The following NLGN1 variants were observed in gnomAD, a reference collection of about 807,000 sequenced individuals.
NLGN1 encodes neuroligin 1, also known as neuroligin-1.
Under a neutral mutation model 65.5 loss-of-function variants are expected in NLGN1, and 12 were observed. That is an observed-to-expected ratio of 0.18 (90% CI 0.12 to 0.30). The LOEUF (loss-of-function observed/expected upper bound fraction) is 0.30, where lower values mean the gene tolerates loss of function less well. NLGN1 is among the 10% of genes least tolerant of loss of function. NLGN1 has a pLI of 1.00. For synonymous variants in NLGN1, 350 were observed against 359.5 expected (o/e 0.97, Z 0.30); for missense variants, 750 against 1,007.1 (o/e 0.74, Z 3.46).
chr3:173,636,120 A>G (rs1440435305), intron 3 of NLGN1, among the ~76,000 whole-genome samples: 1 of 152,116 alleles, frequency 6.6e-6, no homozygotes, highest in Admixed American at 6.6e-5. Flanking sequence ...GAACTTAACG[A>G]TGGTATTTAT....
chr3:174,046,736 AG>A (rs1344556829), intron 4 of NLGN1, among the ~76,000 whole-genome samples: 2 of 152,096 alleles, frequency 1.3e-5, no homozygotes, highest in African/African-American at 4.8e-5. Context: ...AATTAAGAAG[AG>A]GATCAAATGA....
intron 3 of NLGN1, among the ~76,000 whole-genome samples, chr3:173,690,949 T>C (rs1032117853): frequency 2.0e-5 from 3 of 152,088 alleles, no homozygotes; most frequent in Non-Finnish European, 2.9e-5. Flanking sequence ...GGAGAAGCTG[T>C]AAAAATTGCA....
At chr3:173,881,851 C>T (rs1733396265) in intron 4 of NLGN1, among the ~76,000 whole-genome samples, 2 of 152,268 alleles carry the variant, frequency 1.3e-5, no homozygotes, top group East Asian at 3.9e-4. Context: ...TCCCATGAAT[C>T]ACAGATGTTT....
intron 3 of NLGN1, among the ~76,000 whole-genome samples, chr3:173,628,702 A>G (rs1184937101): frequency 1.3e-5 from 2 of 151,582 alleles, no homozygotes; most frequent in Admixed American, 6.6e-5. Context: ...TGTTATTATT[A>G]TTATTATTTG....
chr3:173,566,556 C>G (rs571992132), intron 2 of NLGN1, among the ~76,000 whole-genome samples: 1 of 152,156 alleles, frequency 6.6e-6, no homozygotes, highest in Admixed American at 6.5e-5. Flanking sequence ...TCTGCCCCAT[C>G]TTATTTCATT....
At chr3:173,797,946 G>A (rs1714523288) in intron 3 of NLGN1, among the ~76,000 whole-genome samples, 1 of 152,042 alleles carries the variant, frequency 6.6e-6, no homozygotes, top group African/African-American at 2.4e-5. Context: ...GAAAGCACTG[G>A]CTCAGTGGCT....
intron 4 of NLGN1, among the ~76,000 whole-genome samples, chr3:174,254,541 T>C (rs1285623689): frequency 6.6e-6 from 1 of 152,056 alleles, no homozygotes; most frequent in African/African-American, 2.4e-5. Context: ...GTCTAATTAT[T>C]ATGCCCATAA....
chr3:173,862,152 TACAG>T (rs1021822325), intron 4 of NLGN1, among the ~76,000 whole-genome samples: 1 of 152,082 alleles, frequency 6.6e-6, no homozygotes, highest in Non-Finnish European at 1.5e-5. Context: ...TGAATCTATA[TACAG>T]ACAGAGGATT....
chr3:174,276,514 A>T (rs1007814063), intron 5 of NLGN1, among the ~76,000 whole-genome samples: 3 of 151,962 alleles, frequency 2.0e-5, no homozygotes, highest in Non-Finnish European at 4.4e-5. Context: ...AGAAAAAAGT[A>T]TACACTGTCA....
intron 4 of NLGN1, among the ~76,000 whole-genome samples, chr3:174,254,242 T>C: frequency 6.6e-6 from 1 of 151,630 alleles, no homozygotes; most frequent in South Asian, 2.1e-4. Flanking sequence ...GGCCCTAATA[T>C]AGGGTTCGCA....
chr3:173,555,311 A>G (rs1282006841), intron 2 of NLGN1, among the ~76,000 whole-genome samples: 2 of 152,170 alleles, frequency 1.3e-5, no homozygotes, highest in African/African-American at 4.8e-5. Context: ...TTTAATGTTA[A>G]GCCTCCTTGG....
At chr3:173,496,452 C>A (rs574082943) in intron 2 of NLGN1, among the ~76,000 whole-genome samples, 1 of 151,846 alleles carries the variant, frequency 6.6e-6, no homozygotes, top group Non-Finnish European at 1.5e-5. Context: ...TGCAGGTGAT[C>A]AGAACTAAAT....
chr3:173,740,635 G>A (rs1412015709), intron 3 of NLGN1, among the ~76,000 whole-genome samples: 1 of 152,016 alleles, frequency 6.6e-6, no homozygotes, highest in Non-Finnish European at 1.5e-5. Context: ...AAATTACAGC[G>A]AGGTTTAGAA....
intron 4 of NLGN1, among the ~76,000 whole-genome samples, chr3:174,221,428 G>T (rs9290496): frequency 0.11 from 16,023 of 152,014 alleles, 1,924 homozygotes; most frequent in African/African-American, 0.29. Context: ...CATAAAGTTA[G>T]AGGCATCTGG....
intron 2 of NLGN1, among the ~76,000 whole-genome samples, chr3:173,440,936 C>T (rs190000028): frequency 7.0e-4 from 107 of 152,318 alleles, no homozygotes; most frequent in African/African-American, 2.5e-3. Context: ...AAGGCTGTTT[C>T]ACTGACATTG....
chr3:173,811,707 T>C (rs1717988913), intron 4 of NLGN1, among the ~76,000 whole-genome samples: 1 of 152,006 alleles, frequency 6.6e-6, no homozygotes, highest in Non-Finnish European at 1.5e-5. Context: ...TGGACAAGAA[T>C]TATAGAATAT....
At chr3:173,444,850 A>G (rs1719890052) in intron 2 of NLGN1, among the ~76,000 whole-genome samples, 1 of 152,118 alleles carries the variant, frequency 6.6e-6, no homozygotes, top group Non-Finnish European at 1.5e-5. Flanking sequence ...GTATATATAT[A>G]CACACATACT....
rs371776287 is a variant in NLGN1 at position 173,582,374 on chromosome 3, T to A, written c.-320-21905T>A. 1.1e-4 allele frequency among the ~76,000 whole-genome samples: 17 copies of A among 152,190 alleles called. 1 individual carries two copies. The highest frequency in any genetic ancestry group is 2.0e-4 in the Admixed American group (3 of 15,288). On this transcript the variant is annotated intron_variant, in intron 2 of 6. Coordinates refer to ENST00000457714, the Ensembl canonical transcript of NLGN1. ...AGTGGAAAAACTGGATTATAGGACA[T>A]AAAAATGTTCAACTATTGCTAAACT...
At chr3:173,408,241 CTCCAAGCAG>C (rs1193757978) in intron 1 of NLGN1, among the ~76,000 whole-genome samples, 3 of 152,132 alleles carry the variant, frequency 2.0e-5, no homozygotes, top group African/African-American at 2.4e-5. Context: ...CAACATGGTA[CTCCAAGCAG>C]TCCCTCCAGA....
Sources: gnomAD v4.1 joint callset for allele counts (sites outside exome capture counted in the v4.1 genomes callset) on GRCh38, gnomAD v4.1.1 for gene constraint, MANE v1.5 for transcripts, NCBI Gene and HGNC (gene_info 2026-07-23, HGNC 2026-07-21) for gene names.